Variants in CCL28 observed in about 807,000 individuals in gnomAD.
CCL28 encodes C-C motif chemokine 28.
A neutral mutation model predicts 7.1 loss-of-function variants in CCL28; 4 were observed. The observed-to-expected ratio is 0.56, with a 90% CI of 0.28 to 1.29. The LOEUF is 1.29. Among genes scored for constraint, CCL28 ranks in the 50% most tolerant of loss-of-function variants. CCL28 has a pLI of 0.11. For synonymous variants in CCL28, 55 were observed against 57.8 expected (o/e 0.95, Z 0.22); for missense variants, 151 against 163.4 (o/e 0.92, Z 0.41).
chr5:43,397,124 A>C (rs1372992157), intron 1 of CCL28: 1 of 152,242 alleles, frequency 6.6e-6, no homozygotes, highest in Non-Finnish European at 1.5e-5. Context: ...TATAACAAGT[A>C]CTACGCGAAG....
rs758664984 is a variant in CCL28, at chr5:43,412,345, A to C, written c.-29T>G. On this transcript the variant is annotated 5_prime_UTR_variant, in exon 1 of 3. Coordinates refer to ENST00000361115, the MANE Select transcript of CCL28 (RefSeq NM_148672.3). ...TGCCTGCCCTACTGGCACTGACAGC[A>C]ACACAAGTGAGGCTGTTCGATCAGG... 16 of 1,597,450 alleles carry C rather than the reference A, an allele frequency of 1.0e-5. No homozygotes were observed. Among genetic ancestry groups the C allele is most frequent in the South Asian group, 6.7e-5 (6 of 89,704 alleles).
intron 1 of CCL28, among the ~76,000 whole-genome samples, chr5:43,401,204 C>T (rs1300777130): frequency 6.6e-6 from 1 of 152,126 alleles, no homozygotes; most frequent in Non-Finnish European, 1.5e-5. Context: ...CAGTGGGTGC[C>T]AACAGATGAC....
chr5:43,407,055 G>T (rs562443951), intron 1 of CCL28, among the ~76,000 whole-genome samples: 50 of 152,292 alleles, frequency 3.3e-4, no homozygotes, highest in African/African-American at 1.2e-3. Flanking sequence ...TCATGAAAAT[G>T]GCCATACTGC....
chr5:43,382,032 C>T lies in CCL28; in HGVS notation c.212G>A (p.Arg71Lys), dbSNP rs1443999937. 1 of 1,612,080 alleles carries T rather than the reference C, an allele frequency of 6.2e-7. No homozygotes were observed. Among genetic ancestry groups the T allele is most frequent in the Non-Finnish European group, 8.5e-7 (1 of 1,178,992 alleles). ...AAVILHVKRR[R>K]ICVSPHNHTV... ...ATGGTTGTGCGGGCTGACACAGATT[C>T]TTCTGCGCTTGACATGAAGGCTGTT... Residue 71 changes from arginine (R) to lysine (K), a missense_variant, in exon 3 of 3, where the codon AGA becomes AAA. Transcript: ENST00000361115.
At chr5:43,374,587 C>T (rs763608975), downstream of CCL28, among the ~76,000 whole-genome samples, 14 of 152,078 alleles carry the variant, frequency 9.2e-5, no homozygotes, top group Non-Finnish European at 1.5e-5. Context: ...TCAAGACCAG[C>T]CTGACCAACA....
chr5:43,393,819 T>G (rs1348585032), intron 1 of CCL28, among the ~76,000 whole-genome samples: 1 of 152,232 alleles, frequency 6.6e-6, no homozygotes, highest in Non-Finnish European at 1.5e-5. Flanking sequence ...CCAGATGTAT[T>G]TTTAAAAACA....
At chr5:43,375,458 T>TAAAA (rs56289620), downstream of CCL28, among the ~76,000 whole-genome samples, 90 of 32,748 alleles carry the variant, frequency 2.7e-3, 24 homozygotes, top group African/African-American at 1.0e-2. Flanking sequence ...GACAGAAAGC[T>TAAAA]AAAAAAAAAA....
At chr5:43,362,368 A>G in the CCL28 span, among the ~76,000 whole-genome samples, 2 of 152,214 alleles carry the variant, frequency 1.3e-5, no homozygotes, top group Non-Finnish European at 2.9e-5. Flanking sequence ...GTTGTTTATC[A>G]GCATAAGAAG....
chr5:43,361,689 T>C, the CCL28 span, among the ~76,000 whole-genome samples: 6 of 152,308 alleles, frequency 3.9e-5, no homozygotes, highest in Non-Finnish European at 8.8e-5. Flanking sequence ...AGGGGTCTAG[T>C]TTCAATGTTC....
downstream of CCL28, among the ~76,000 whole-genome samples, chr5:43,378,832 G>A (rs147300881): frequency 4.0e-3 from 605 of 152,034 alleles, 1 homozygote; most frequent in African/African-American, 0.014. Context: ...GTGGTGGTTC[G>A]CACCTGTAGT....
At chr5:43,378,961 AAAAAAT>A (rs748612201), downstream of CCL28, among the ~76,000 whole-genome samples, 25 of 152,278 alleles carry the variant, frequency 1.6e-4, no homozygotes, top group African/African-American at 5.5e-4. Flanking sequence ...CTCCATCTCA[AAAAAAT>A]AAAAATAAAA....
intron 1 of CCL28, among the ~76,000 whole-genome samples, chr5:43,393,379 G>C (rs531379213): frequency 6.6e-6 from 1 of 150,990 alleles, no homozygotes; most frequent in Non-Finnish European, 1.5e-5. Flanking sequence ...TTCTGAGGCA[G>C]AGTATCACTC....
intron 2 of CCL28, 137 bp downstream of exon 2, chr5:43,388,213 G>T: frequency 8.8e-7 from 1 of 1,132,874 alleles, no homozygotes; most frequent in Non-Finnish European, 1.2e-6. Context: ...CTAATGGACA[G>T]AATATTTACT....
At chr5:43,359,804 G>A in the CCL28 span, among the ~76,000 whole-genome samples, 1 of 151,792 alleles carries the variant, frequency 6.6e-6, no homozygotes, top group Non-Finnish European at 1.5e-5. Flanking sequence ...TCAGACTTTT[G>A]CATTCTGGCA....
chr5:43,400,806 T>C (rs1740996099), intron 1 of CCL28, among the ~76,000 whole-genome samples: 1 of 152,034 alleles, frequency 6.6e-6, no homozygotes, highest in Admixed American at 6.6e-5. Context: ...AAGGGCAGGC[T>C]GGGTGTGGTG....
intron 1 of CCL28, among the ~76,000 whole-genome samples, chr5:43,392,016 A>G (rs1424893833): frequency 6.6e-6 from 1 of 152,208 alleles, no homozygotes; most frequent in Non-Finnish European, 1.5e-5. Flanking sequence ...TGGTTCTCAA[A>G]CTTTAATGTG....
chr5:43,384,742 A>T (rs764523242), intron 2 of CCL28, among the ~76,000 whole-genome samples: 24 of 151,962 alleles, frequency 1.6e-4, no homozygotes, highest in Admixed American at 5.3e-4. Flanking sequence ...TATCCCTTAA[A>T]CTTTATTTCT....
intron 1 of CCL28, among the ~76,000 whole-genome samples, chr5:43,406,979 A>G (rs1238349388): frequency 6.6e-6 from 1 of 152,256 alleles, no homozygotes. Flanking sequence ...CCACTGCTCA[A>G]TGAAATAAAA....
the CCL28 span, among the ~76,000 whole-genome samples, chr5:43,359,484 G>C: frequency 6.6e-6 from 1 of 152,174 alleles, no homozygotes; most frequent in Non-Finnish European, 1.5e-5. Context: ...TTCTGCCCTG[G>C]GTCGGGCAGG....
Sources: allele counts gnomAD v4.1 joint callset (sites outside exome capture counted in the v4.1 genomes callset), GRCh38; gene constraint gnomAD v4.1.1; transcripts MANE v1.5; gene names NCBI Gene and HGNC (gene_info 2026-07-23, HGNC 2026-07-21).